The following LRRN1 variants were observed in gnomAD, a reference collection of about 807,000 sequenced individuals.
LRRN1 encodes the protein leucine rich repeat neuronal 1.
Under a neutral mutation model 45.8 loss-of-function variants are expected in LRRN1, and 14 were observed. The observed-to-expected ratio is 0.31, with a 90% confidence interval of 0.20 to 0.48. The LOEUF (loss-of-function observed/expected upper bound fraction) is 0.48, where lower values mean the gene tolerates loss of function less well. Ranked by LOEUF, LRRN1 falls within the 20% of genes least tolerant of loss-of-function variation. LRRN1 has a pLI of 0.99. For missense variants in LRRN1, 789 were observed against 874.2 expected, an observed-to-expected ratio of 0.90 and a Z score of 1.23; for synonymous variants, 359 against 330.1, an observed-to-expected ratio of 1.09 and a Z score of -0.95.
intron 1 of LRRN1, among the ~76,000 whole-genome samples, chr3:3,844,008 C>A (rs1693700479): frequency 1.3e-5 from 2 of 151,982 alleles, no homozygotes; most frequent in South Asian, 4.1e-4. Context: ...CAGGCTTTTT[C>A]TTAGTGTTCC....
intron 1 of LRRN1, among the ~76,000 whole-genome samples, chr3:3,838,960 C>CT (rs535962970): frequency 1.5e-3 from 228 of 152,116 alleles, no homozygotes; most frequent in African/African-American, 5.2e-3. Flanking sequence ...TGTAGGTCAT[C>CT]TTTTTTTGCT....
chr3:3,804,990 G>A (rs1328060012), intron 1 of LRRN1, among the ~76,000 whole-genome samples: 4 of 152,206 alleles, frequency 2.6e-5, no homozygotes, highest in Non-Finnish European at 1.5e-5. Context: ...AGATTTTCAA[G>A]GGAGGCATTT....
At chr3:3,825,395 G>T (rs529684109) in intron 1 of LRRN1, among the ~76,000 whole-genome samples, 1 of 152,176 alleles carries the variant, frequency 6.6e-6, no homozygotes, top group Non-Finnish European at 1.5e-5. Flanking sequence ...AAAGAGGAAG[G>T]AAAATGAGGG....
intron 1 of LRRN1, among the ~76,000 whole-genome samples, chr3:3,806,803 AAG>A (rs1207079487): frequency 6.6e-6 from 1 of 152,240 alleles, no homozygotes; most frequent in Non-Finnish European, 1.5e-5. Context: ...ACTGAGGGAC[AAG>A]AGTCATGGAG....
At chr3:3,824,812 T>C (rs1246827313) in intron 1 of LRRN1, among the ~76,000 whole-genome samples, 2 of 152,188 alleles carry the variant, frequency 1.3e-5, no homozygotes, top group Non-Finnish European at 2.9e-5. Context: ...ATTGTCTATC[T>C]AGAGTGCAGG....
chr3:3,801,787 C>G (rs756118421), intron 1 of LRRN1, among the ~76,000 whole-genome samples: 4 of 152,166 alleles, frequency 2.6e-5, no homozygotes, highest in Non-Finnish European at 5.9e-5. Flanking sequence ...TGTATATATT[C>G]GTGCAATATT....
At chr3:3,826,796 T>C (rs557165257) in intron 1 of LRRN1, among the ~76,000 whole-genome samples, 1 of 152,210 alleles carries the variant, frequency 6.6e-6, no homozygotes, top group East Asian at 1.9e-4. Flanking sequence ...GAAACTAATG[T>C]TTTTAAAAAG....
rs1354896646 is a variant in LRRN1, at chr3:3,846,286, G to A, written c.1645G>A (p.Val549Ile). ...AGTGTCCTGGAAAGTTAATTCCAAT[G>A]TCATGACGTCAAACTTAAAATGGTC... is the stretch of plus-strand genomic sequence containing the variant. The part of the protein sequence containing the change: ...ILVSWKVNSN[V>I]MTSNLKWSSA... The change falls in exon 2 of 2, where the codon GTC becomes ATC. Residue 549 changes from valine to isoleucine, a missense_variant. Transcript: ENST00000319331. The surrounding 1 kb of genome is among the most constrained non-coding windows in gnomAD (Gnocchi z 5.7). 1 of 1,614,038 alleles carries A rather than the reference G, an allele frequency of 6.2e-7. No individual in the cohort carries two copies. The highest frequency in any genetic ancestry group is 8.5e-7 in the Non-Finnish European group (1 of 1,180,022).
Position 3,845,901 on chromosome 3 carries a change from A to G in LRRN1, c.1260A>G (p.Glu420=). 1 of 1,614,170 alleles carries G rather than the reference A, an allele frequency of 6.2e-7. No homozygotes were observed. The highest frequency in any genetic ancestry group is 8.5e-7 in the Non-Finnish European group (1 of 1,180,018). Reference sequence around the variant, plus strand: ...AAGTTTTAATCCAGGATTCGAGTGAACAGTGCCTCCCAATGATATCTCACG... The same window carrying G: ...AAGTTTTAATCCAGGATTCGAGTGAGCAGTGCCTCCCAATGATATCTCACG... The part of the protein sequence containing the change: ...VKEVLIQDSS[E]QCLPMISHDS... Residue 420 remains glutamate (E), a synonymous_variant, in exon 2 of 2, where the codon GAA becomes GAG. Coordinates refer to ENST00000319331, the MANE Select transcript of LRRN1 (RefSeq NM_020873.7). This position sits in a 1 kb window ranked among gnomAD's most constrained non-coding sequence, Gnocchi z 6.5.
chr3:3,840,565 T>A (rs6442835), intron 1 of LRRN1, among the ~76,000 whole-genome samples: 9 of 152,164 alleles, frequency 5.9e-5, no homozygotes, highest in African/African-American at 2.2e-4. Context: ...CTAAAGAGAA[T>A]TCAGAATTAA....
chr3:3,836,429 C>CGTGAA (rs1693514489), intron 1 of LRRN1, among the ~76,000 whole-genome samples: 1 of 152,202 alleles, frequency 6.6e-6, no homozygotes, highest in South Asian at 2.1e-4. Flanking sequence ...AATGGAATCA[C>CGTGAA]GTACTATTCA....
intron 1 of LRRN1, among the ~76,000 whole-genome samples, chr3:3,812,566 C>A (rs752171943): frequency 5.3e-5 from 8 of 152,134 alleles, no homozygotes; most frequent in Non-Finnish European, 1.0e-4. Flanking sequence ...AGAACTTGTA[C>A]AAAGTTCAGC....
intron 1 of LRRN1, among the ~76,000 whole-genome samples, chr3:3,842,947 C>CT (rs5846293): frequency 0.22 from 33,210 of 151,996 alleles, 3,775 homozygotes; most frequent in South Asian, 0.34. Flanking sequence ...TTTATTGAAA[C>CT]CAATAGATGA....
At chr3:3,842,125 G>A (rs1162813844) in intron 1 of LRRN1, among the ~76,000 whole-genome samples, 5 of 152,128 alleles carry the variant, frequency 3.3e-5, no homozygotes, top group East Asian at 3.9e-4. Flanking sequence ...AAGTATTTGT[G>A]TATTGAAACA....
chr3:3,830,148 TG>T (rs1334183816), intron 1 of LRRN1, among the ~76,000 whole-genome samples: 2 of 152,198 alleles, frequency 1.3e-5, no homozygotes, highest in African/African-American at 4.8e-5. Context: ...GTCCACGGAA[TG>T]GGTCATCCTA....
intron 1 of LRRN1, among the ~76,000 whole-genome samples, 184 bp downstream of exon 1, chr3:3,800,103 A>G (rs1202225042): frequency 2.0e-5 from 3 of 146,344 alleles, no homozygotes; most frequent in African/African-American, 5.1e-5. Flanking sequence ...TCGGGAAACG[A>G]GAATATAGTG....
At chr3:3,825,749 G>T (rs911764311) in intron 1 of LRRN1, among the ~76,000 whole-genome samples, 1 of 152,098 alleles carries the variant, frequency 6.6e-6, no homozygotes, top group Admixed American at 6.6e-5. Context: ...AGTGTAAAAT[G>T]AATTTTTGGA....
chr3:3,840,616 G>A (rs1308819599), intron 1 of LRRN1, among the ~76,000 whole-genome samples: 1 of 152,106 alleles, frequency 6.6e-6, no homozygotes, highest in Non-Finnish European at 1.5e-5. Context: ...TTTTTATTAA[G>A]GATGTTTAAT....
At chr3:3,823,403 A>G (rs1028221907) in intron 1 of LRRN1, among the ~76,000 whole-genome samples, 5 of 152,190 alleles carry the variant, frequency 3.3e-5, no homozygotes, top group African/African-American at 1.2e-4. Flanking sequence ...GTTTAAAAAA[A>G]AAAAGAAGAA....
Sources: allele counts gnomAD v4.1 joint callset (sites outside exome capture counted in the v4.1 genomes callset), GRCh38; gene constraint gnomAD v4.1.1; non-coding constraint Gnocchi (gnomAD v3.1); transcripts MANE v1.5; gene names NCBI Gene and HGNC (gene_info 2026-07-23, HGNC 2026-07-21).